Variants in YWHAE observed in about 807,000 individuals in gnomAD.
The protein encoded by YWHAE is tyrosine 3-monooxygenase/tryptophan 5-monooxygenase activation protein epsilon.
In YWHAE, 4 loss-of-function variants were observed where a neutral mutation model predicts 30.1. That is an observed-to-expected ratio of 0.13 (90% CI 0.07 to 0.30). The LOEUF (loss-of-function observed/expected upper bound fraction) is 0.30. Ranked by LOEUF, YWHAE falls within the 10% of genes least tolerant of loss-of-function variation. The probability of loss-of-function intolerance (pLI) is 1.00; values close to 1 mark genes in which losing one functional copy is unlikely to be tolerated. For synonymous variants in YWHAE, 118 were observed against 111.8 expected, an observed-to-expected ratio of 1.06 and a Z score of -0.35; for missense variants, 121 against 315.9, an observed-to-expected ratio of 0.38 and a Z score of 4.68.
At chr17:1,364,775 C>T (rs2072918549) in intron 2 of YWHAE, 84 bp downstream of exon 2, 1 of 1,451,148 alleles carries the variant, frequency 6.9e-7, no homozygotes, top group African/African-American at 1.4e-5. Context: ...AATGTAGTCT[C>T]CTTTTCTCTC....
chr17:1,346,095 C>T (rs770894440), intron 5 of YWHAE, among the ~76,000 whole-genome samples: 5 of 152,162 alleles, frequency 3.3e-5, no homozygotes, highest in Admixed American at 2.0e-4. Flanking sequence ...CAAAGTAAAT[C>T]AGACCACTGA....
intron 4 of YWHAE, among the ~76,000 whole-genome samples, chr17:1,355,605 A>G (rs2072727397): frequency 6.6e-6 from 1 of 152,172 alleles, no homozygotes; most frequent in Non-Finnish European, 1.5e-5. Context: ...TTTTAAAAGA[A>G]AATCCACACT....
At chr17:1,353,693 G>A (rs1358526567) in intron 5 of YWHAE, among the ~76,000 whole-genome samples, 1 of 151,794 alleles carries the variant, frequency 6.6e-6, no homozygotes, top group African/African-American at 2.4e-5. Flanking sequence ...GAACCCGGGA[G>A]GCAGAGTTTG....
chr17:1,395,559 T>C (rs2073456830), intron 1 of YWHAE, among the ~76,000 whole-genome samples: 1 of 152,120 alleles, frequency 6.6e-6, no homozygotes, highest in Non-Finnish European at 1.5e-5. Context: ...CTCAGTTCTG[T>C]CTATGCATTT....
chr17:1,368,870 CAAT>C (rs1460197159), intron 1 of YWHAE, among the ~76,000 whole-genome samples: 3 of 152,154 alleles, frequency 2.0e-5, no homozygotes, highest in Non-Finnish European at 4.4e-5. Flanking sequence ...TAAGGCTTTA[CAAT>C]ATTACATACA....
intron 4 of YWHAE, among the ~76,000 whole-genome samples, chr17:1,358,528 T>G (rs1040905394): frequency 6.8e-6 from 1 of 146,954 alleles, no homozygotes; most frequent in African/African-American, 2.5e-5. Context: ...CGTGAGCCAC[T>G]GCACGCAGCC....
At chr17:1,387,958 C>CTCTG (rs2073325952) in intron 1 of YWHAE, among the ~76,000 whole-genome samples, 1 of 136,018 alleles carries the variant, frequency 7.4e-6, no homozygotes, top group African/African-American at 2.8e-5. Context: ...CGGAGTCTCA[C>CTCTG]TCTGTCGTTC....
intron 2 of YWHAE, among the ~76,000 whole-genome samples, chr17:1,363,842 T>TACGGC (rs1430893630): frequency 3.3e-5 from 5 of 151,786 alleles, no homozygotes; most frequent in Non-Finnish European, 7.4e-5. Flanking sequence ...TTCCTGTATT[T>TACGGC]ACGTGCCTGT....
intron 1 of YWHAE, among the ~76,000 whole-genome samples, chr17:1,365,710 G>C (rs1254505321): frequency 6.6e-6 from 1 of 152,152 alleles, no homozygotes; most frequent in Admixed American, 6.6e-5. Flanking sequence ...AACAGCACAA[G>C]AAATAGTAAC....
At chr17:1,351,585 C>T (rs555224078) in intron 5 of YWHAE, among the ~76,000 whole-genome samples, 182 of 152,194 alleles carry the variant, frequency 1.2e-3, no homozygotes, top group African/African-American at 4.1e-3. Flanking sequence ...ATGACCATTA[C>T]GAGTCCACAG....
intron 1 of YWHAE, among the ~76,000 whole-genome samples, chr17:1,380,042 C>G (rs1014777541): frequency 6.6e-6 from 1 of 151,662 alleles, no homozygotes; most frequent in African/African-American, 2.4e-5. Context: ...GGAAACAGCA[C>G]AGGAAAGTCC....
intron 1 of YWHAE, among the ~76,000 whole-genome samples, chr17:1,395,297 G>A (rs910747161): frequency 2.6e-5 from 4 of 152,162 alleles, no homozygotes; most frequent in Admixed American, 1.3e-4. Flanking sequence ...GGAGGCTGAG[G>A]TGGGCAGATC....
At chr17:1,392,709 G>A (rs4790350) in intron 1 of YWHAE, among the ~76,000 whole-genome samples, 72,599 of 151,678 alleles carry the variant, frequency 0.48, 18,726 homozygotes, top group African/African-American at 0.66. Flanking sequence ...AATTAGCCAA[G>A]CATGATGGCC....
At chr17:1,386,767 C>CG (rs1261497671) in intron 1 of YWHAE, among the ~76,000 whole-genome samples, 1 of 152,060 alleles carries the variant, frequency 6.6e-6, no homozygotes, top group South Asian at 2.1e-4. Flanking sequence ...CTGGCCAACA[C>CG]GGTGAAACAC....
chr17:1,387,445 A>G (rs1210825496), intron 1 of YWHAE, among the ~76,000 whole-genome samples: 1 of 152,264 alleles, frequency 6.6e-6, no homozygotes, highest in Non-Finnish European at 1.5e-5. Flanking sequence ...TGGAATTAGA[A>G]AAGACACTGA....
intron 1 of YWHAE, among the ~76,000 whole-genome samples, chr17:1,395,280 C>A (rs1320884518): frequency 6.6e-6 from 1 of 152,096 alleles, no homozygotes; most frequent in Non-Finnish European, 1.5e-5. Flanking sequence ...GTAATCCCAG[C>A]AGTTTGGGAG....
intron 4 of YWHAE, among the ~76,000 whole-genome samples, chr17:1,354,808 G>A (rs1036269589): frequency 6.6e-6 from 1 of 151,494 alleles, no homozygotes; most frequent in Non-Finnish European, 1.5e-5. Context: ...GACTACAGGC[G>A]CCCGCCACCA....
intron 1 of YWHAE, among the ~76,000 whole-genome samples, chr17:1,378,062 T>G (rs2073150804): frequency 6.6e-6 from 1 of 152,154 alleles, no homozygotes; most frequent in African/African-American, 2.4e-5. Flanking sequence ...AATAAAAGTC[T>G]CAAATTGTTT....
At chr17:1,364,681 T>TA in intron 2 of YWHAE, 178 bp downstream of exon 2, 1 of 765,870 alleles carries the variant, frequency 1.3e-6, no homozygotes, top group African/African-American at 1.8e-5. Flanking sequence ...TCCTCATGCA[T>TA]AGCCACGGGT....
Sources: gnomAD v4.1 joint callset for allele counts (sites outside exome capture counted in the v4.1 genomes callset) on GRCh38, gnomAD v4.1.1 for gene constraint, MANE v1.5 for transcripts, NCBI Gene and HGNC (gene_info 2026-07-23, HGNC 2026-07-21) for gene names.